The following BIRC6 variants were observed in gnomAD, a reference collection of about 807,000 sequenced individuals.
The protein encoded by BIRC6 is baculoviral IAP repeat containing 6.
In BIRC6, 98 loss-of-function variants were observed where a neutral mutation model predicts 503.3. The observed-to-expected ratio is 0.19, with a 90% confidence interval of 0.17 to 0.23. BIRC6 has a LOEUF of 0.23. BIRC6 is among the 10% of genes least tolerant of loss of function. The pLI is 1.00. For missense variants in BIRC6, 5,360 were observed against 5,806.0 expected, an observed-to-expected ratio of 0.92 and a Z score of 2.50; for synonymous variants, 2,240 against 2,078.7, an observed-to-expected ratio of 1.08 and a Z score of -2.11.
At chr2:32,530,011 C>G (rs954187078) in intron 60 of BIRC6, among the ~76,000 whole-genome samples, 187 bp downstream of exon 60, 1 of 152,028 alleles carries the variant, frequency 6.6e-6, no homozygotes, top group Non-Finnish European at 1.5e-5. Flanking sequence ...TGCATTATTT[C>G]TTATAACATC....
intron 54 of BIRC6, among the ~76,000 whole-genome samples, chr2:32,514,020 C>T (rs996448700): frequency 4.6e-5 from 7 of 152,090 alleles, no homozygotes; most frequent in East Asian, 1.9e-4. Context: ...TGCTGCCTCA[C>T]GCCACTGTAC....
intron 70 of BIRC6, among the ~76,000 whole-genome samples, chr2:32,601,072 C>T (rs1319762047): frequency 1.3e-5 from 2 of 152,190 alleles, no homozygotes; most frequent in African/African-American, 4.8e-5. Context: ...GCATTCAAAG[C>T]CATCCTGGGC....
chr2:32,423,297 A>T (rs1200942127), intron 10 of BIRC6, among the ~76,000 whole-genome samples: 1 of 152,100 alleles, frequency 6.6e-6, no homozygotes, highest in South Asian at 2.1e-4. Flanking sequence ...TCTTTTTAAA[A>T]TGTGTTAAAT....
chr2:32,372,896 A>G (rs958663161), intron 1 of BIRC6, among the ~76,000 whole-genome samples: 4 of 152,182 alleles, frequency 2.6e-5, no homozygotes, highest in African/African-American at 9.7e-5. Flanking sequence ...TTATAAATAG[A>G]GCGACTATAA....
chr2:32,370,784 T>C (rs1250772042), intron 1 of BIRC6, among the ~76,000 whole-genome samples: 2 of 152,160 alleles, frequency 1.3e-5, no homozygotes, highest in Admixed American at 1.3e-4. Flanking sequence ...ATCTTCTTTA[T>C]TGACTTTGAA....
chr2:32,448,402 A>C (rs915722975), intron 21 of BIRC6, among the ~76,000 whole-genome samples: 4 of 148,976 alleles, frequency 2.7e-5, no homozygotes, highest in Admixed American at 6.6e-5. Context: ...CAATCCCGGC[A>C]CCTCGGGAGG....
At chr2:32,456,342 C>G (rs576456802) in intron 23 of BIRC6, among the ~76,000 whole-genome samples, 13 of 152,242 alleles carry the variant, frequency 8.5e-5, no homozygotes, top group African/African-American at 3.1e-4. Flanking sequence ...TGCATATAGA[C>G]AGTTGGTTCT....
chr2:32,441,510 G>C (rs764800329), intron 17 of BIRC6, 48 bp downstream of exon 17: 1 of 1,547,606 alleles, frequency 6.5e-7, no homozygotes, highest in Non-Finnish European at 8.8e-7. Flanking sequence ...TGAAAGTGCA[G>C]AGCATAACAC....
chr2:32,554,983 A>C (rs2058677244), intron 65 of BIRC6, among the ~76,000 whole-genome samples: 1 of 152,060 alleles, frequency 6.6e-6, no homozygotes, highest in African/African-American at 2.4e-5. Context: ...AGGACATAGA[A>C]ATTGTATTAG....
At chr2:32,420,256 A>G (rs1285681667) in intron 10 of BIRC6, among the ~76,000 whole-genome samples, 2 of 152,120 alleles carry the variant, frequency 1.3e-5, no homozygotes, top group Non-Finnish European at 2.9e-5. Flanking sequence ...TCGCTCTTCA[A>G]TTTTGTGGTA....
At chr2:32,428,113 T>C (rs2043726441) in intron 10 of BIRC6, among the ~76,000 whole-genome samples, 1 of 152,224 alleles carries the variant, frequency 6.6e-6, no homozygotes, top group African/African-American at 2.4e-5. Context: ...AAGGCTGTGC[T>C]CAAGTGTGCC....
intron 8 of BIRC6, among the ~76,000 whole-genome samples, chr2:32,403,554 T>C (rs2040828967): frequency 6.6e-6 from 1 of 152,232 alleles, no homozygotes; most frequent in Non-Finnish European, 1.5e-5. Flanking sequence ...GATGATTCAC[T>C]TGTCATTTGT....
chr2:32,602,063 C>T (rs1356161671), intron 70 of BIRC6, among the ~76,000 whole-genome samples: 2 of 152,166 alleles, frequency 1.3e-5, no homozygotes, highest in African/African-American at 4.8e-5. Flanking sequence ...ATAGAACTAG[C>T]ATATGATCTA....
intron 1 of BIRC6, among the ~76,000 whole-genome samples, chr2:32,372,497 ATAG>A (rs1488112709): frequency 6.6e-6 from 1 of 152,116 alleles, no homozygotes; most frequent in Non-Finnish European, 1.5e-5. Flanking sequence ...TTATTACTGA[ATAG>A]TATTCCATCG....
At chr2:32,537,978 C>G (rs550764759) in intron 61 of BIRC6, among the ~76,000 whole-genome samples, 1 of 150,002 alleles carries the variant, frequency 6.7e-6, no homozygotes, top group African/African-American at 2.4e-5. Flanking sequence ...AAAAAAAAAG[C>G]AAACAAAAAA....
Position 32,476,275 on chromosome 2 carries a change from A to G in BIRC6, c.6783A>G (p.Ile2261Met), listed in dbSNP as rs781753954. 4.7e-5 allele frequency: 74 copies of G among 1,560,596 alleles called. No homozygotes were observed. The highest frequency in any genetic ancestry group is 6.1e-5 in the Non-Finnish European group (70 of 1,151,250). The change falls in exon 34 of 74, where the codon ATA becomes ATG. Residue 2261 changes from isoleucine (I) to methionine (M), a missense_variant. Ile to Met is a conservative substitution (Grantham distance 10). Transcript: ENST00000421745. The stretch of plus-strand genomic sequence containing the variant: ...TAGAACAGATGGAAAAAGAAAAAAT[A>G]CAAAGTAACAAAGGATCATCATATA... ...ALVEQMEKEK[I>M]QSNKGSSYKL...
chr2:32,608,053 G>A (rs1191087211), intron 72 of BIRC6, among the ~76,000 whole-genome samples: 2 of 145,458 alleles, frequency 1.4e-5, no homozygotes, highest in Non-Finnish European at 3.0e-5. Context: ...TATGTATCTA[G>A]TATATGAAAC....
chr2:32,490,279 G>T (rs1219946901), intron 43 of BIRC6, 128 bp downstream of exon 43: 1 of 779,152 alleles, frequency 1.3e-6, no homozygotes, highest in Non-Finnish European at 2.1e-6. Flanking sequence ...CAGATGTGGT[G>T]GCTCACGCCT....
intron 40 of BIRC6, among the ~76,000 whole-genome samples, chr2:32,487,301 C>T (rs1250253773): frequency 6.6e-6 from 1 of 152,126 alleles, no homozygotes; most frequent in African/African-American, 2.4e-5. Flanking sequence ...TATTCTAAAA[C>T]TACCTTATCA....
Sources: allele counts gnomAD v4.1 joint callset (sites outside exome capture counted in the v4.1 genomes callset), GRCh38; gene constraint gnomAD v4.1.1; transcripts MANE v1.5; gene names NCBI Gene and HGNC (gene_info 2026-07-23, HGNC 2026-07-21).